The following VSTM4 variants were observed in gnomAD, a reference collection of about 807,000 sequenced individuals.
VSTM4 encodes the protein V-set and transmembrane domain containing 4.
VSTM4 carries 20 observed loss-of-function variants against 36.4 expected under a neutral mutation model. That is an observed-to-expected ratio of 0.55 (90% CI 0.39 to 0.80). VSTM4 has a LOEUF of 0.80. VSTM4 is among the 30% of genes least tolerant of loss of function. VSTM4 has a pLI of 0.00. For synonymous variants in VSTM4, 182 were observed against 173.9 expected (o/e 1.05, Z -0.37); for missense variants, 392 against 404.5 (o/e 0.97, Z 0.26).
intron 4 of VSTM4, among the ~76,000 whole-genome samples, chr10:49,068,477 G>C (rs1342097385): frequency 1.3e-5 from 2 of 152,098 alleles, no homozygotes; most frequent in South Asian, 2.1e-4. Context: ...CCCTGCCAGC[G>C]CTTGCTGAGG....
At position 49,077,281 on chromosome 10, in the gene VSTM4, C is replaced by T. The variant is rs905341573; in HGVS notation, c.572G>A (p.Ser191Asn). ...GATGACCAGCATGAAGAGCAGAATG[C>T]TGAGGATCCCCACGCAGCACACGAG... is the stretch of plus-strand genomic sequence containing the variant. ...AVLVCCVGIL[S>N]ILLFMLVIVW... Residue 191 changes from serine (S) to asparagine (N), a missense_variant, in exon 4 of 8, where the codon AGC (serine) becomes AAC (asparagine). Transcript: ENST00000332853. 6.2e-7 allele frequency: 1 copy of T among 1,614,100 alleles called. No homozygotes were observed. Among genetic ancestry groups the T allele is most frequent in the African/African-American group, 1.3e-5 (1 of 74,934 alleles).
At chr10:49,060,397 A>C (rs4310535) in intron 5 of VSTM4, among the ~76,000 whole-genome samples, 14,138 of 152,144 alleles carry the variant, frequency 0.093, 904 homozygotes, top group East Asian at 0.21. Flanking sequence ...TAGCCATTGT[A>C]ATGGGGGTAT....
At chr10:49,063,983 A>G (rs557980454) in intron 5 of VSTM4, among the ~76,000 whole-genome samples, 1 of 152,318 alleles carries the variant, frequency 6.6e-6, no homozygotes, top group South Asian at 2.1e-4. Context: ...GAATGAGCTT[A>G]CCTGAATGTT....
intron 3 of VSTM4, 146 bp from the exon 4 acceptor site, chr10:49,077,472 A>G (rs1332346997): frequency 8.6e-6 from 6 of 699,546 alleles, no homozygotes; most frequent in Admixed American, 2.3e-5. Context: ...GGACAGACAC[A>G]GATCAATGAA....
chr10:49,090,888 A>C (rs1018898681), intron 2 of VSTM4, among the ~76,000 whole-genome samples: 2 of 151,874 alleles, frequency 1.3e-5, no homozygotes, highest in African/African-American at 4.8e-5. Context: ...CCACTCCTGC[A>C]CACACTCCTC....
chr10:49,020,532 A>G (rs1020726454), intron 7 of VSTM4, among the ~76,000 whole-genome samples: 2 of 134,664 alleles, frequency 1.5e-5, no homozygotes, highest in South Asian at 4.8e-4. Flanking sequence ...GATAAGAGAC[A>G]TAAACAAAAT....
chr10:49,019,211 G>A lies in VSTM4; in HGVS notation c.*439C>T, dbSNP rs1176967608. On this transcript the variant is annotated 3_prime_UTR_variant, in exon 8 of 8. Coordinates refer to ENST00000332853, the MANE Select transcript of VSTM4 (RefSeq NM_001031746.5). The stretch of plus-strand genomic sequence containing the variant: ...TGATCCTTGGAAAACCAACATATGT[G>A]CCATCTTACAGTTGGGTCCATAATG... 1 of 152,512 alleles carries A rather than the reference G, an allele frequency of 6.6e-6. No individual in the cohort carries two copies. Among genetic ancestry groups the A allele is most frequent in the Non-Finnish European group, 1.5e-5 (1 of 68,256 alleles). The allele number at this position is 152,512 out of a possible 1,614,324, so 9.4% of individuals were successfully genotyped here.
chr10:49,083,521 G>T (rs116563495), intron 3 of VSTM4, among the ~76,000 whole-genome samples: 1 of 152,184 alleles, frequency 6.6e-6, no homozygotes, highest in East Asian at 1.9e-4. Context: ...TGCTGCTGCC[G>T]AAATCATAGG....
intron 2 of VSTM4, among the ~76,000 whole-genome samples, chr10:49,092,315 G>A (rs1442829259): frequency 6.6e-6 from 1 of 152,144 alleles, no homozygotes; most frequent in Non-Finnish European, 1.5e-5. Context: ...CCTACTTGGA[G>A]AGTCTCTGTC....
chr10:49,103,931 C>A, intron 2 of VSTM4: 1 of 1,303,528 alleles, frequency 7.7e-7, no homozygotes, highest in Non-Finnish European at 1.1e-6. Context: ...GGGGGGCACT[C>A]AAACCCCCAA....
intron 2 of VSTM4, among the ~76,000 whole-genome samples, chr10:49,104,912 G>C (rs907709374): frequency 6.6e-6 from 1 of 151,670 alleles, no homozygotes; most frequent in Admixed American, 6.6e-5. Context: ...CAGAGAGAGA[G>C]AGAAGGAAAG....
chr10:49,101,975 G>C (rs114360825), intron 2 of VSTM4, among the ~76,000 whole-genome samples: 4,746 of 82,354 alleles, frequency 0.058, 238 homozygotes, highest in African/African-American at 0.25. Context: ...GTGTCTGCGT[G>C]TGTGTGTGTG....
chr10:49,077,861 A>G (rs72785015), intron 3 of VSTM4, among the ~76,000 whole-genome samples: 41,986 of 152,068 alleles, frequency 0.28, 5,954 homozygotes, highest in Admixed American at 0.35. Context: ...ACAAACATAT[A>G]AAGAGGATAA....
intron 4 of VSTM4, among the ~76,000 whole-genome samples, chr10:49,070,242 G>C (rs1844050606): frequency 2.5e-5 from 1 of 40,044 alleles, no homozygotes; most frequent in Admixed American, 4.2e-4. Context: ...GACAGAGCGA[G>C]ACTCCGTCTC....
Position 49,059,053 on chromosome 10 carries a change from C to A in VSTM4, c.668+5650G>T, listed in dbSNP as rs112738294. On this transcript the variant is annotated intron_variant, in intron 5 of 7. Transcript: ENST00000332853. ...CTACAGAGGCAGAGCACAATTCAGG[C>A]CAAAGCCAGGCATAAAGGCAAGAAT... 8.3e-4 allele frequency among the ~76,000 whole-genome samples: 126 copies of A among 152,308 alleles called. No individual in the cohort carries two copies. In the South Asian group the frequency reaches 0.011, roughly 13 times the overall value.
chr10:49,086,022 G>A lies in VSTM4; in HGVS notation c.459C>T (p.Val153=). The change falls in exon 3 of 8, where the codon GTC becomes GTT. Residue 153 remains valine (V), a splice_region_variant and synonymous_variant. Coordinates refer to ENST00000332853, the MANE Select transcript of VSTM4 (RefSeq NM_001031746.5). The part of the protein sequence containing the change: ...SNGSSATEMR[V]ISLKASEESS... ...ACTCTTCAGAAGCTTTGAGGGAAAT[G>A]ACTGAAAGACAAAAAAGAAACAGCA... The A allele has an allele frequency of 1.3e-6, 2 of 1,578,744 alleles. No homozygotes were observed. Among genetic ancestry groups the A allele is most frequent in the Non-Finnish European group, 1.7e-6 (2 of 1,165,208 alleles).
At chr10:49,064,945 G>T (rs1247550151) in intron 4 of VSTM4, among the ~76,000 whole-genome samples, 2 of 152,212 alleles carry the variant, frequency 1.3e-5, no homozygotes, top group East Asian at 1.9e-4. Context: ...CCCAGCCAGG[G>T]ATCTAGCCAG....
chr10:49,096,246 T>C (rs924986728), intron 2 of VSTM4, among the ~76,000 whole-genome samples: 1 of 152,208 alleles, frequency 6.6e-6, no homozygotes, highest in African/African-American at 2.4e-5. Context: ...TCAGATCTAA[T>C]CATTAAATTT....
At chr10:49,093,684 GTC>G (rs1282487707) in intron 2 of VSTM4, among the ~76,000 whole-genome samples, 1 of 148,968 alleles carries the variant, frequency 6.7e-6, no homozygotes, top group Non-Finnish European at 1.5e-5. Flanking sequence ...CATTATCTGT[GTC>G]TGTTTTCTTC....
Sources: gnomAD v4.1 joint callset for allele counts (sites outside exome capture counted in the v4.1 genomes callset) on GRCh38, gnomAD v4.1.1 for gene constraint, MANE v1.5 for transcripts, NCBI Gene and HGNC (gene_info 2026-07-23, HGNC 2026-07-21) for gene names.